Variants in ADGRV1 observed in about 807,000 individuals in gnomAD.
The protein encoded by ADGRV1 is adhesion G protein-coupled receptor V1.
Under a neutral mutation model 596.2 loss-of-function variants are expected in ADGRV1, and 359 were observed. That is an observed-to-expected ratio of 0.60 (90% CI 0.55 to 0.66). ADGRV1 has a LOEUF of 0.66. Among genes scored for constraint, ADGRV1 ranks in the 30% least tolerant of loss-of-function variants. The probability of loss-of-function intolerance (pLI) is 0.00; values close to 1 mark genes in which losing one functional copy is unlikely to be tolerated. For synonymous variants in ADGRV1, 2,681 were observed against 2,679.2 expected, an observed-to-expected ratio of 1.00 and a Z score of -0.02; for missense variants, 7,274 against 7,575.6, an observed-to-expected ratio of 0.96 and a Z score of 1.48.
intron 42 of ADGRV1, among the ~76,000 whole-genome samples, chr5:90,713,011 G>A (rs1003211483): frequency 2.0e-5 from 3 of 152,080 alleles, no homozygotes; most frequent in Non-Finnish European, 4.4e-5. Context: ...AGAGACAAAG[G>A]AGAAAACTCG....
At chr5:91,073,074 G>T (rs1010489390) in intron 86 of ADGRV1, among the ~76,000 whole-genome samples, 1 of 152,128 alleles carries the variant, frequency 6.6e-6, no homozygotes, top group Non-Finnish European at 1.5e-5. Context: ...ACACATGTCT[G>T]GTTACTTAAG....
chr5:90,629,440 A>T lies in ADGRV1; in HGVS notation c.1740A>T (p.Arg580Ser), dbSNP rs764148963. The T allele has an allele frequency of 1.2e-6, 2 of 1,613,546 alleles. No homozygotes were observed. The highest frequency in any genetic ancestry group is 1.7e-5 in the Admixed American group (1 of 59,960). The change falls in exon 9 of 90, where the codon AGA becomes AGT. Residue 580 changes from arginine to serine, a missense_variant. Arg to Ser is a moderately radical substitution (Grantham distance 110). This residue lies in a region of ADGRV1 where 1,715 missense variants were observed against 1,708.8 expected (regional missense o/e 1.00). Coordinates refer to ENST00000405460, the MANE Select transcript of ADGRV1 (RefSeq NM_032119.4). ...AKEGILNISR[R>S]NDLIFPEQKT... is the part of the protein sequence containing the mutation. Reference sequence around the variant, plus strand: ...AAGGCATCTTAAATATATCAAGGAGAAATGACCTCATTTTTCCAGAGCAAA... The same window carrying T: ...AAGGCATCTTAAATATATCAAGGAGTAATGACCTCATTTTTCCAGAGCAAA...
In ADGRV1 at chr5:90,704,397, G is replaced by T. The variant is rs141681122; in HGVS notation, c.8295G>T (p.Leu2765Phe). ...SGQLFFPEGS[L>F]NTTLFVHLLD... The stretch of plus-strand genomic sequence containing the variant: ...CTTTCTGTATGACATAGGGGTCGTT[G>T]AATACAACATTGTTTGTGCATTTGT... The change falls in exon 36 of 90, where the codon TTG becomes TTT. Residue 2765 changes from leucine (L) to phenylalanine (F), a missense_variant. This residue lies in a region of ADGRV1 where 3,643 missense variants were observed against 3,809.2 expected (regional missense o/e 0.96). Transcript: ENST00000405460. 2.6e-4 allele frequency: 405 copies of T among 1,568,360 alleles called. 1 individual carries two copies. Among genetic ancestry groups the T allele is most frequent in the Non-Finnish European group, 3.4e-4 (388 of 1,154,000 alleles).
chr5:90,721,161 A>C (rs1405317830), intron 45 of ADGRV1, 102 bp downstream of exon 45: 1 of 1,000,884 alleles, frequency 1.0e-6, no homozygotes, highest in East Asian at 2.9e-5. Context: ...TGATCATTTG[A>C]AAATGGAAAA....
At chr5:90,617,159 C>T (rs1763467244) in intron 2 of ADGRV1, 1 of 151,960 alleles carries the variant, frequency 6.6e-6, no homozygotes, top group African/African-American at 2.4e-5. Flanking sequence ...TATAATTTGT[C>T]TTATTGTTAG....
chr5:90,846,805 T>C (rs1224235607), intron 78 of ADGRV1, among the ~76,000 whole-genome samples: 1 of 152,216 alleles, frequency 6.6e-6, no homozygotes, highest in Non-Finnish European at 1.5e-5. Flanking sequence ...TTCTCTTATC[T>C]GGCCCCACCC....
At chr5:90,723,111 A>G (rs1201736228) in intron 45 of ADGRV1, among the ~76,000 whole-genome samples, 1 of 152,204 alleles carries the variant, frequency 6.6e-6, no homozygotes, top group Non-Finnish European at 1.5e-5. Flanking sequence ...GAAGGCATTA[A>G]TGACCATAGA....
chr5:91,005,729 A>G (rs1241033302), intron 85 of ADGRV1, among the ~76,000 whole-genome samples: 2 of 152,126 alleles, frequency 1.3e-5, no homozygotes, highest in East Asian at 3.8e-4. Flanking sequence ...CCTTTCGATA[A>G]CACTTAAAAC....
chr5:90,732,821 A>T (rs1752726725), intron 50 of ADGRV1, among the ~76,000 whole-genome samples: 1 of 152,260 alleles, frequency 6.6e-6, no homozygotes, highest in South Asian at 2.1e-4. Flanking sequence ...AATGAAGTAG[A>T]AAAACAGCAT....
chr5:91,127,947 T>G (rs59088629), intron 87 of ADGRV1, among the ~76,000 whole-genome samples: 14,887 of 152,158 alleles, frequency 0.098, 918 homozygotes, highest in South Asian at 0.21. Flanking sequence ...TCCCTGGAAG[T>G]GTGCCTCTTT....
chr5:90,988,314 A>G (rs1333315135), intron 85 of ADGRV1, among the ~76,000 whole-genome samples: 1 of 152,242 alleles, frequency 6.6e-6, no homozygotes, highest in Non-Finnish European at 1.5e-5. Flanking sequence ...GATAGTGTGC[A>G]TGTCTGCATT....
chr5:90,671,873 T>TA (rs900462392), intron 21 of ADGRV1, among the ~76,000 whole-genome samples: 1 of 152,114 alleles, frequency 6.6e-6, no homozygotes, highest in African/African-American at 2.4e-5. Context: ...AGTGTTTAGA[T>TA]AAAAAATTTT....
intron 85 of ADGRV1, among the ~76,000 whole-genome samples, chr5:91,062,981 CAG>C (rs1787577547): frequency 3.1e-5 from 3 of 95,804 alleles, no homozygotes; most frequent in African/African-American, 4.1e-5. Flanking sequence ...TTTTTTGAGG[CAG>C]AGTTTCACTC....
rs1257613757 is a variant in ADGRV1 at position 91,072,493 on chromosome 5, G to C, written c.18199G>C (p.Val6067Leu). The C allele has an allele frequency of 2.5e-6, 4 of 1,613,710 alleles. No homozygotes were observed. Among genetic ancestry groups the C allele is most frequent in the Non-Finnish European group, 3.4e-6 (4 of 1,179,776 alleles). ...TGCTGCTTTGTTCACTGCAGCTCTT[G>C]TTCCTTTGACGTGCCTCGTGGTGGT... ...VYAALFTAAL[V>L]PLTCLVVVFV... is the part of the protein sequence containing the mutation. The change falls in exon 86 of 90, where the codon GTT becomes CTT. Residue 6067 changes from valine (V) to leucine (L), a missense_variant. Transcript: ENST00000405460.
intron 89 of ADGRV1, among the ~76,000 whole-genome samples, chr5:91,156,440 C>T (rs1203352307): frequency 1.3e-5 from 2 of 152,110 alleles, no homozygotes; most frequent in Non-Finnish European, 2.9e-5. Flanking sequence ...TCCTTAAAGT[C>T]AGGGCTGAAA....
intron 84 of ADGRV1, 125 bp downstream of exon 84, chr5:90,965,656 G>C (rs1227156718): frequency 1.9e-6 from 1 of 529,610 alleles, no homozygotes; most frequent in Non-Finnish European, 3.4e-6. Flanking sequence ...TGCATTCTCA[G>C]GATATAAATG....
intron 87 of ADGRV1, among the ~76,000 whole-genome samples, chr5:91,109,270 A>G (rs879650567): frequency 6.6e-6 from 1 of 152,228 alleles, no homozygotes; most frequent in Admixed American, 6.5e-5. Context: ...ACTGTTGGAT[A>G]TCAAGAGTGA....
At position 90,625,234 on chromosome 5, in the gene ADGRV1, C is replaced by T. The variant is rs1185984328; in HGVS notation, c.663C>T (p.Leu221=). 8.1e-6 allele frequency: 13 copies of T among 1,607,068 alleles called. No individual in the cohort carries two copies. The highest frequency in any genetic ancestry group is 3.3e-5 in the Admixed American group (2 of 59,950). Residue 221 remains leucine, a synonymous_variant, in exon 6 of 90, where the codon CTC becomes CTT. Coordinates refer to ENST00000405460, the MANE Select transcript of ADGRV1 (RefSeq NM_032119.4). ...CAGTAATTTATAACTTGACAGTACT[C>T]GATGACGAGGTTGGCTAATGTTACA... is the stretch of plus-strand genomic sequence containing the variant. ...RATVIYNLTV[L]DDEVPENDEI...
At chr5:90,559,999 C>T (rs781559969) in intron 1 of ADGRV1, among the ~76,000 whole-genome samples, 2 of 152,160 alleles carry the variant, frequency 1.3e-5, no homozygotes, top group South Asian at 2.1e-4. Context: ...CGAACTATTC[C>T]GCCTATATAA....
Sources: gnomAD v4.1 joint callset for allele counts (sites outside exome capture counted in the v4.1 genomes callset) on GRCh38, gnomAD v4.1.1 for gene constraint, gnomAD v4.1.1 regional missense constraint, MANE v1.5 for transcripts, NCBI Gene and HGNC (gene_info 2026-07-23, HGNC 2026-07-21) for gene names.